PGM2L1: variants seen among roughly 807,000 people sequenced by gnomAD.
The protein encoded by PGM2L1 is glucose 1,6-bisphosphate synthase.
In PGM2L1, 35 loss-of-function variants were observed where a neutral mutation model predicts 73.4. The observed-to-expected ratio is 0.48, with a 90% CI of 0.36 to 0.63. The LOEUF (loss-of-function observed/expected upper bound fraction) is 0.63. Among genes scored for constraint, PGM2L1 ranks in the 30% least tolerant of loss-of-function variants. PGM2L1 has a pLI of 0.00. For synonymous variants in PGM2L1, 225 were observed against 253.8 expected, an observed-to-expected ratio of 0.89 and a Z score of 1.08; for missense variants, 570 against 742.0, an observed-to-expected ratio of 0.77 and a Z score of 2.69.
At chr11:74,343,238 AC>A in intron 10 of PGM2L1, 84 bp downstream of exon 10, 1 of 1,456,014 alleles carries the variant, frequency 6.9e-7, no homozygotes. Context: ...AAAATATGAA[AC>A]CAGAACACAA....
In PGM2L1 at chr11:74,374,430, T is replaced by C; in HGVS notation, c.264A>G (p.Val88=). The C allele has an allele frequency of 6.2e-7, 1 of 1,612,302 alleles. No homozygotes were observed. The highest frequency in any genetic ancestry group is 8.5e-7 in the Non-Finnish European group (1 of 1,178,916). The part of the protein sequence containing the change: ...AGFCYINDLT[V]IQSTQGMYKY... ...TAATACTTACCTGTGTTGACTGTAT[T>C]ACTGTAAGGTCATTAATATAGCAAA... is the stretch of plus-strand genomic sequence containing the variant. The change falls in exon 2 of 14, where the codon GTA becomes GTG. Residue 88 remains valine, a synonymous_variant. Coordinates refer to ENST00000298198, the MANE Select transcript of PGM2L1 (RefSeq NM_173582.6).
In PGM2L1 at chr11:74,347,126, A is replaced by G. The variant is rs1441816896; in HGVS notation, c.939+22T>C. The G allele has an allele frequency of 2.0e-6, 3 of 1,469,986 alleles. No individual in the cohort carries two copies. The Admixed American group carries it at 6.8e-5, about 33-fold the overall frequency. 91.1% of individuals were successfully genotyped at this position (1,469,986 alleles called of 1,614,324 possible). A position where few individuals can be genotyped will look rare whatever the true frequency, so the allele number is the denominator to read the frequency against. On this transcript the variant is annotated intron_variant, in intron 7 of 13. Transcript: ENST00000298198. ...CTGATGGTTTAATAAACTAATAATA[A>G]TTTAAATATTTAAAAAAATACCAGC...
At chr11:74,351,955 C>CT (rs1565437375) in intron 5 of PGM2L1, among the ~76,000 whole-genome samples, 1 of 123,544 alleles carries the variant, frequency 8.1e-6, no homozygotes, top group Non-Finnish European at 1.7e-5. Context: ...GAGCGAGACT[C>CT]TGTCTCAAAA....
At chr11:74,397,744 GATT>G in intron 1 of PGM2L1, 1 of 93,480 alleles carries the variant, frequency 1.1e-5, no homozygotes, top group Non-Finnish European at 2.2e-5. Context: ...CAATGATGAT[GATT>G]TTTTTTTTTT....
At chr11:74,397,457 T>C (rs944678108) in intron 1 of PGM2L1, 2 of 152,302 alleles carry the variant, frequency 1.3e-5, no homozygotes, top group Admixed American at 6.5e-5. Flanking sequence ...CACGATTCCT[T>C]GAACAGATTA....
chr11:74,341,695 G>GAAAAA (rs11336177), intron 12 of PGM2L1, among the ~76,000 whole-genome samples: 7 of 94,056 alleles, frequency 7.4e-5, no homozygotes, highest in Non-Finnish European at 1.0e-4. Context: ...CTGTCTCAAG[G>GAAAAA]AAAAAAAAAA....
chr11:74,394,947 T>TCC (rs1491400133), intron 1 of PGM2L1, among the ~76,000 whole-genome samples: 3 of 15,774 alleles, frequency 1.9e-4, no homozygotes, highest in South Asian at 2.1e-3. Flanking sequence ...AAAATCAGTT[T>TCC]CTCTGTTAAA....
At chr11:74,366,514 A>G (rs188213774) in intron 5 of PGM2L1, among the ~76,000 whole-genome samples, 166 of 152,038 alleles carry the variant, frequency 1.1e-3, no homozygotes, top group African/African-American at 3.8e-3. Flanking sequence ...ATAAGATGGC[A>G]AGAAAGAGTC....
intron 1 of PGM2L1, among the ~76,000 whole-genome samples, chr11:74,393,945 G>A (rs1403803299): frequency 3.3e-5 from 5 of 149,986 alleles, no homozygotes; most frequent in African/African-American, 1.2e-4. Context: ...AGCAAAACTG[G>A]TCTATAATTT....
chr11:74,386,170 A>C (rs59825236), intron 1 of PGM2L1, among the ~76,000 whole-genome samples: 4,039 of 152,216 alleles, frequency 0.027, 179 homozygotes, highest in African/African-American at 0.093. Flanking sequence ...TTTCTTTGGC[A>C]TTAAAACAGG....
chr11:74,390,056 T>C lies in PGM2L1; in HGVS notation c.111+7995A>G, dbSNP rs1343568264. Among the ~76,000 whole-genome samples the C allele has an allele frequency of 2.7e-5, 4 of 147,758 alleles. No homozygotes were observed. The East Asian group carries it at 6.0e-4, about 22-fold the overall frequency. ...ATGGCGTGAACCCGGGAGGCAGAGC[T>C]TGCAGTGAGCCGAGATTGCGCCACT... is the stretch of plus-strand genomic sequence containing the variant. On this transcript the variant is annotated intron_variant, in intron 1 of 13. Coordinates refer to ENST00000298198, the MANE Select transcript of PGM2L1 (RefSeq NM_173582.6).
chr11:74,380,492 AAT>A (rs1396823313), intron 1 of PGM2L1, among the ~76,000 whole-genome samples: 1 of 152,010 alleles, frequency 6.6e-6, no homozygotes, highest in Non-Finnish European at 1.5e-5. Flanking sequence ...CATCATATAA[AAT>A]GAGATTTATT....
chr11:74,341,295 T>A (rs1219971535), intron 12 of PGM2L1, among the ~76,000 whole-genome samples: 1 of 152,134 alleles, frequency 6.6e-6, no homozygotes, highest in Admixed American at 6.5e-5. Flanking sequence ...ACCATTTTAT[T>A]ATAGTATTGA....
rs11336177 is a variant in PGM2L1 at position 74,341,695 on chromosome 11, GAAAA to G, written c.1632+762_1632+765del. 1.2e-4 allele frequency among the ~76,000 whole-genome samples: 11 copies of G among 94,066 alleles called. No individual in the cohort carries two copies. The South Asian group carries it at 3.5e-3, about 30-fold the overall frequency. The allele number at this position is 94,066 out of a possible 152,430, so 61.7% of individuals were successfully genotyped here. On this transcript the variant is annotated intron_variant, in intron 12 of 13. Transcript: ENST00000298198. ...AGACAGAGCGAGACACTGTCTCAAG[GAAAA>G]AAAAAAAAAAAAAAAAAGGAAAGCA...
intron 2 of PGM2L1, among the ~76,000 whole-genome samples, chr11:74,374,067 A>AAC (rs1359833594): frequency 6.7e-6 from 1 of 149,604 alleles, no homozygotes; most frequent in Non-Finnish European, 1.5e-5. Flanking sequence ...AAAAAAAAAA[A>AAC]AAAAACCAGA....
rs2134872637 is a variant in PGM2L1 at position 74,334,577 on chromosome 11, A to G, written c.*2075T>C. 1 of 152,372 alleles carries G rather than the reference A, an allele frequency of 6.6e-6. No individual in the cohort carries two copies. The highest frequency in any genetic ancestry group is 2.1e-4 in the South Asian group (1 of 4,832). The allele number at this position is 152,372 out of a possible 1,614,324, so 9.4% of individuals were successfully genotyped here. ...GTCATACAGTCATATAAGATCCAAC[A>G]ATAAGAAAGTAAGGAAGGAACAAAT... On this transcript the variant is annotated 3_prime_UTR_variant, in exon 14 of 14. Coordinates refer to ENST00000298198, the MANE Select transcript of PGM2L1 (RefSeq NM_173582.6).
At chr11:74,361,642 A>C (rs1242500128) in intron 5 of PGM2L1, among the ~76,000 whole-genome samples, 1 of 152,130 alleles carries the variant, frequency 6.6e-6, no homozygotes, top group Non-Finnish European at 1.5e-5. Context: ...AGAAGCTAAA[A>C]ACCTTGAAAA....
intron 1 of PGM2L1, among the ~76,000 whole-genome samples, chr11:74,391,762 C>T (rs928004561): frequency 6.6e-6 from 1 of 152,116 alleles, no homozygotes; most frequent in African/African-American, 2.4e-5. Flanking sequence ...GATTTTTAGC[C>T]GCTGGTACCC....
chr11:74,355,086 G>T, intron 5 of PGM2L1: 1 of 1,275,406 alleles, frequency 7.8e-7, no homozygotes. Context: ...TGGTGGGAAG[G>T]ACAACTTTGG....
Sources: gnomAD v4.1 joint callset for allele counts (sites outside exome capture counted in the v4.1 genomes callset) on GRCh38, gnomAD v4.1.1 for gene constraint, MANE v1.5 for transcripts, NCBI Gene and HGNC (gene_info 2026-07-23, HGNC 2026-07-21) for gene names.